COL24A1: variants seen among roughly 807,000 people sequenced by gnomAD.
COL24A1 encodes collagen type XXIV alpha 1 chain, also known as collagen alpha-1(XXIV) chain.
Under a neutral mutation model 253.9 loss-of-function variants are expected in COL24A1, and 224 were observed. That is an observed-to-expected ratio of 0.88 (90% CI 0.79 to 0.99). The LOEUF (loss-of-function observed/expected upper bound fraction) is 0.99, where lower values mean the gene tolerates loss of function less well. Among genes scored for constraint, COL24A1 ranks in the 50% least tolerant of loss-of-function variants. COL24A1 has a pLI of 0.00. For missense variants in COL24A1, 2,131 were observed against 2,068.5 expected (o/e 1.03, Z -0.59); for synonymous variants, 685 against 673.7 (o/e 1.02, Z -0.26).
intron 12 of COL24A1, among the ~76,000 whole-genome samples, chr1:86,034,407 G>C (rs867155213): frequency 3.3e-5 from 5 of 152,088 alleles, no homozygotes; most frequent in South Asian, 2.1e-4. Flanking sequence ...CTATTCAATA[G>C]ATACTAATAT....
chr1:85,968,680 G>T (rs568019028), intron 22 of COL24A1, among the ~76,000 whole-genome samples: 1 of 150,744 alleles, frequency 6.6e-6, no homozygotes, highest in East Asian at 1.9e-4. Context: ...TATTTCCACT[G>T]GTTGGTAAGA....
intron 32 of COL24A1, among the ~76,000 whole-genome samples, chr1:85,883,217 T>G (rs189815394): frequency 2.0e-5 from 3 of 152,224 alleles, no homozygotes; most frequent in Non-Finnish European, 4.4e-5. Flanking sequence ...TTATTTTAAT[T>G]TTTATGTCTA....
intron 48 of COL24A1, among the ~76,000 whole-genome samples, chr1:85,785,260 A>T (rs1192607099): frequency 6.6e-6 from 1 of 152,210 alleles, no homozygotes; most frequent in Admixed American, 6.5e-5. Context: ...TACATACTTA[A>T]TCAACATTAT....
chr1:85,846,522 A>T (rs573657408), intron 39 of COL24A1, among the ~76,000 whole-genome samples: 1 of 152,090 alleles, frequency 6.6e-6, no homozygotes, highest in South Asian at 2.1e-4. Context: ...TTTTAAGCAT[A>T]TAAGGAGTGA....
At chr1:86,037,816 T>A (rs1699150058) in intron 12 of COL24A1, among the ~76,000 whole-genome samples, 1 of 151,954 alleles carries the variant, frequency 6.6e-6, no homozygotes, top group Non-Finnish European at 1.5e-5. Flanking sequence ...AAATCTTCTT[T>A]AGAGAATATA....
At chr1:85,737,878 G>C (rs1159983938) in intron 57 of COL24A1, among the ~76,000 whole-genome samples, 1 of 151,964 alleles carries the variant, frequency 6.6e-6, no homozygotes, top group African/African-American at 2.4e-5. Context: ...CCTTATAAAT[G>C]GTCATGGTAC....
intron 35 of COL24A1, 102 bp from the exon 36 acceptor site, chr1:85,868,937 G>C: frequency 1.4e-6 from 1 of 715,666 alleles, no homozygotes; most frequent in Non-Finnish European, 2.2e-6. Context: ...GCAAATTTGT[G>C]TTCACTTATT....
chr1:85,993,104 C>T (rs1457007687), intron 19 of COL24A1, among the ~76,000 whole-genome samples: 3 of 151,674 alleles, frequency 2.0e-5, no homozygotes, highest in East Asian at 1.9e-4. Flanking sequence ...ACCTGGGAAC[C>T]GAAGCACTAG....
At chr1:85,765,750 A>G (rs1667303004) in intron 53 of COL24A1, among the ~76,000 whole-genome samples, 1 of 151,996 alleles carries the variant, frequency 6.6e-6, no homozygotes, top group South Asian at 2.1e-4. Context: ...AGAAAGAAAA[A>G]AAATCCTTTG....
chr1:85,814,800 A>G (rs765491580), intron 47 of COL24A1, among the ~76,000 whole-genome samples: 2 of 152,202 alleles, frequency 1.3e-5, no homozygotes, highest in African/African-American at 2.4e-5. Flanking sequence ...AATGACTTTG[A>G]TATGTCACTA....
At chr1:85,827,973 G>T (rs548352730) in intron 43 of COL24A1, among the ~76,000 whole-genome samples, 1,575 of 152,060 alleles carry the variant, frequency 0.01, 24 homozygotes, top group African/African-American at 0.036. Flanking sequence ...GCTTTTGAAT[G>T]TGTTTGCTCT....
intron 3 of COL24A1, among the ~76,000 whole-genome samples, chr1:86,117,646 T>C (rs1706281893): frequency 6.6e-6 from 1 of 152,218 alleles, no homozygotes; most frequent in South Asian, 2.1e-4. Context: ...ATTTTGTGGT[T>C]TCAAAATCTT....
intron 1 of COL24A1, chr1:86,154,508 A>C (rs1427948563): frequency 6.6e-6 from 1 of 152,340 alleles, no homozygotes; most frequent in Non-Finnish European, 1.5e-5. Context: ...ACGTTTTATA[A>C]TTTTTCTTCA....
chr1:86,048,363 C>T (rs568481595), intron 11 of COL24A1, among the ~76,000 whole-genome samples: 9 of 152,106 alleles, frequency 5.9e-5, no homozygotes, highest in Non-Finnish European at 1.3e-4. Context: ...TAACGTAACA[C>T]CCTTTTAGCT....
intron 37 of COL24A1, among the ~76,000 whole-genome samples, chr1:85,856,931 C>T (rs2102397813): frequency 6.6e-6 from 1 of 152,020 alleles, no homozygotes; most frequent in South Asian, 2.1e-4. Context: ...CATGTATTAC[C>T]ATAAGGCTTT....
At chr1:85,955,562 A>T (rs1215320898) in intron 24 of COL24A1, among the ~76,000 whole-genome samples, 1 of 152,042 alleles carries the variant, frequency 6.6e-6, no homozygotes, top group Non-Finnish European at 1.5e-5. Flanking sequence ...GAGCCCCAAA[A>T]TGCTACGCAC....
chr1:85,742,585 C>A (rs141937451), intron 57 of COL24A1, among the ~76,000 whole-genome samples: 1 of 152,294 alleles, frequency 6.6e-6, no homozygotes, highest in Non-Finnish European at 1.5e-5. Context: ...ACCTACTTGA[C>A]ATTCTTACTT....
At chr1:85,746,699 G>A (rs947969478) in intron 55 of COL24A1, among the ~76,000 whole-genome samples, 18 of 152,220 alleles carry the variant, frequency 1.2e-4, no homozygotes, top group African/African-American at 4.1e-4. Flanking sequence ...AATAAGAATT[G>A]TTAGGAGAAG....
intron 24 of COL24A1, among the ~76,000 whole-genome samples, chr1:85,942,873 G>A (rs769642246): frequency 1.3e-5 from 2 of 152,152 alleles, no homozygotes; most frequent in Non-Finnish European, 2.9e-5. Context: ...GTGCCAAATT[G>A]ATGAGGGGTA....
Sources: gnomAD v4.1 joint callset for allele counts (sites outside exome capture counted in the v4.1 genomes callset) on GRCh38, gnomAD v4.1.1 for gene constraint, MANE v1.5 for transcripts, NCBI Gene and HGNC (gene_info 2026-07-23, HGNC 2026-07-21) for gene names.